The following ZNF287 variants were observed in gnomAD, a reference collection of about 807,000 sequenced individuals.
ZNF287 encodes zinc finger protein 287, also known as zinc finger protein with KRAB and SCAN domains 13.
A neutral mutation model predicts 73.7 loss-of-function variants in ZNF287; 31 were observed. The observed-to-expected ratio is 0.42, with a 90% confidence interval of 0.32 to 0.57. The LOEUF (loss-of-function observed/expected upper bound fraction) is 0.57. Among genes scored for constraint, ZNF287 ranks in the 20% least tolerant of loss-of-function variants. The pLI is 0.13. For missense variants in ZNF287, 641 were observed against 909.3 expected, an observed-to-expected ratio of 0.70 and a Z score of 3.79; for synonymous variants, 301 against 307.2, an observed-to-expected ratio of 0.98 and a Z score of 0.21.
Position 16,551,755 on chromosome 17 carries a change from A to G in ZNF287, c.*101T>C. The G allele has an allele frequency of 7.9e-7, 1 of 1,263,486 alleles. No homozygotes were observed. The highest frequency in any genetic ancestry group is 1.1e-6 in the Non-Finnish European group (1 of 906,398). The allele number at this position is 1,263,486 out of a possible 1,614,324, so 78.3% of individuals were successfully genotyped here. A position where few individuals can be genotyped will look rare whatever the true frequency, so the allele number is the denominator to read the frequency against. On this transcript the variant is annotated 3_prime_UTR_variant, in exon 6 of 6. Transcript: ENST00000395825. ...GATACTTCTGCTGAGTATCTAACAT[A>G]TTGCACTTCTTCAGACTTCTTCTGA...
chr17:16,561,193 A>C (rs1242732701), intron 5 of ZNF287, among the ~76,000 whole-genome samples: 7 of 151,916 alleles, frequency 4.6e-5, no homozygotes, highest in Non-Finnish European at 8.8e-5. Context: ...ACATGCCTCT[A>C]ATCCCAGCTA....
Position 16,548,687 on chromosome 17 carries a change from C to A in ZNF287, c.*3169G>T, listed in dbSNP as rs1435798968. ...TGGTGGCGGGTGTCTGTAGTCCCAG[C>A]TACTCGGGAGGCTGAGGCAGGAGAA... On this transcript the variant is annotated 3_prime_UTR_variant, in exon 6 of 6. Coordinates refer to ENST00000395825, the MANE Select transcript of ZNF287 (RefSeq NM_020653.4). 6.6e-6 allele frequency among the ~76,000 whole-genome samples: 1 copy of A among 152,084 alleles called. No homozygotes were observed. The highest frequency in any genetic ancestry group is 2.4e-5 in the African/African-American group (1 of 41,400).
rs1907754586 is a variant in ZNF287, at chr17:16,566,574, C to T, written c.452G>A (p.Arg151Lys). ...TCCTGTCTGGAAAGCATGTTTTCCT[C>T]TGGGGTCTTCCTCTGGGGTATCTTG... The part of the protein sequence containing the change: ...LSQDTPEEDP[R>K]GKHAFQTGWL... Residue 151 changes from arginine to lysine, a missense_variant, in exon 3 of 6, where the codon AGA (arginine) becomes AAA (lysine). By Grantham distance (26) the Arg-to-Lys change is conservative. Coordinates refer to ENST00000395825, the MANE Select transcript of ZNF287 (RefSeq NM_020653.4). The T allele has an allele frequency of 6.2e-7, 1 of 1,613,190 alleles. No individual in the cohort carries two copies. The highest frequency in any genetic ancestry group is 1.3e-5 in the African/African-American group (1 of 74,862).
intron 5 of ZNF287, among the ~76,000 whole-genome samples, chr17:16,560,647 TG>T (rs1229320430): frequency 1.3e-5 from 2 of 151,402 alleles, no homozygotes; most frequent in Non-Finnish European, 2.9e-5. Context: ...CGTACCCGGC[TG>T]AAAGGGCTAT....
chr17:16,568,393 G>A (rs1179595013), intron 1 of ZNF287, among the ~76,000 whole-genome samples: 1 of 152,130 alleles, frequency 6.6e-6, no homozygotes, highest in Non-Finnish European at 1.5e-5. Context: ...ATTTATCTGC[G>A]TTGCATGTTA....
chr17:16,563,342 AG>A (rs1315841776), intron 4 of ZNF287, 110 bp from the exon 5 acceptor site: 2 of 727,480 alleles, frequency 2.7e-6, no homozygotes, highest in African/African-American at 3.5e-5. Context: ...GGAAAACAAT[AG>A]TTCATGGACA....
In ZNF287 at chr17:16,563,129, C is replaced by T. The variant is rs372832682; in HGVS notation, c.715+17G>A. On this transcript the variant is annotated intron_variant, in intron 5 of 5. Coordinates refer to ENST00000395825, the MANE Select transcript of ZNF287 (RefSeq NM_020653.4). ...ATTCTTAAATACAAAGAAGCTCATG[C>T]GCTTTTTGTTTCTCACCTGGACTAG... 76 of 1,567,508 alleles carry T rather than the reference C, an allele frequency of 4.8e-5. No individual in the cohort carries two copies. The highest frequency in any genetic ancestry group is 1.9e-4 in the South Asian group (17 of 87,968).
rs1906592308 is a variant in ZNF287 at position 16,550,691 on chromosome 17, C to T, written c.*1165G>A. ...CTGTGATTTTCAGCACTGTAACAAG[C>T]TTGAGAGGATCCAATTAGGAAGTTT... On this transcript the variant is annotated 3_prime_UTR_variant, in exon 6 of 6. Transcript: ENST00000395825. 6.6e-6 allele frequency among the ~76,000 whole-genome samples: 1 copy of T among 152,144 alleles called. No individual in the cohort carries two copies. The highest frequency in any genetic ancestry group is 2.4e-5 in the African/African-American group (1 of 41,442).
chr17:16,567,092 A>G (rs1252089370), intron 2 of ZNF287, among the ~76,000 whole-genome samples: 1 of 152,162 alleles, frequency 6.6e-6, no homozygotes, highest in East Asian at 1.9e-4. Flanking sequence ...GGGGGTTTAG[A>G]TAATGTGTGT....
At chr17:16,560,369 A>T (rs543853363) in intron 5 of ZNF287, among the ~76,000 whole-genome samples, 20 of 140,884 alleles carry the variant, frequency 1.4e-4, no homozygotes, top group Admixed American at 6.5e-4. Context: ...TTTTTTTTTG[A>T]GGTGGAGTCT....
rs1906603818 is a variant in ZNF287, at chr17:16,550,846, A to T, written c.*1010T>A. ...CAGGTGAAAAAAATGGGAACTGTAT[A>T]CTTTATACCTACTTTTTTCCTTCAG... On this transcript the variant is annotated 3_prime_UTR_variant, in exon 6 of 6. Coordinates refer to ENST00000395825, the MANE Select transcript of ZNF287 (RefSeq NM_020653.4). 6.6e-6 allele frequency among the ~76,000 whole-genome samples: 1 copy of T among 152,236 alleles called. No homozygotes were observed. The highest frequency in any genetic ancestry group is 2.4e-5 in the African/African-American group (1 of 41,476).
chr17:16,563,350 G>T, intron 4 of ZNF287, 118 bp from the exon 5 acceptor site: 2 of 682,776 alleles, frequency 2.9e-6, no homozygotes, highest in Non-Finnish European at 4.9e-6. Context: ...ATAGTTCATG[G>T]ACATGATCTA....
intron 5 of ZNF287, among the ~76,000 whole-genome samples, chr17:16,560,513 C>T (rs1027141271): frequency 1.9e-4 from 29 of 151,052 alleles, no homozygotes; most frequent in African/African-American, 6.1e-4. Flanking sequence ...CCACGCCCAG[C>T]TAATTTTTGT....
At chr17:16,566,725 G>A in intron 2 of ZNF287, 103 bp from the exon 3 acceptor site, 1 of 742,408 alleles carries the variant, frequency 1.3e-6, no homozygotes, top group Non-Finnish European at 2.1e-6. Flanking sequence ...CGAGAAGTAA[G>A]AAGGAAATCA....
At position 16,553,435 on chromosome 17, in the gene ZNF287, A is replaced by C. The variant is rs1906833341; in HGVS notation, c.716-9T>G. The C allele has an allele frequency of 2.0e-6, 3 of 1,469,170 alleles. No individual in the cohort carries two copies. The highest frequency in any genetic ancestry group is 1.8e-4 in the Middle Eastern group (1 of 5,444). The allele number at this position is 1,469,170 out of a possible 1,614,324, so 91.0% of individuals were successfully genotyped here. On this transcript the variant is annotated splice_polypyrimidine_tract_variant and intron_variant, in intron 5 of 5. Transcript: ENST00000395825. Reference sequence around the variant, plus strand: ...GGCTTTAGTTTCCCATTCTGAAATAAAAAATATATTAAAAAATCTTCATTT... The same window carrying C: ...GGCTTTAGTTTCCCATTCTGAAATACAAAATATATTAAAAAATCTTCATTT...
rs1464700640 is a variant in ZNF287, at chr17:16,566,373, C to CTTTATAGTACATTCTGTATAG, written c.501+151_501+152insCTATACAGAATGTACTATAAA. The CTTTATAGTACATTCTGTATAG allele has an allele frequency of 1.7e-5, 9 of 526,402 alleles. No homozygotes were observed. The Admixed American group carries it at 3.5e-4, about 21-fold the overall frequency. The allele number at this position is 526,402 out of a possible 1,614,324, so 32.6% of individuals were successfully genotyped here. On this transcript the variant is annotated intron_variant, in intron 3 of 5. Coordinates refer to ENST00000395825, the MANE Select transcript of ZNF287 (RefSeq NM_020653.4). ...CACCTTTTCTTTATAGTACATTCAC[C>CTTTATAGTACATTCTGTATAG]TACCTTAACAGACCAAGATAACATA...
Position 16,551,788 on chromosome 17 carries a change from G to A in ZNF287, c.*68C>T. Reference sequence around the variant, plus strand: ...TCTTCAGACTTCTTCTGAATGTTCTGACACATAGAATGCACAAAACAAAAT... The same window carrying A: ...TCTTCAGACTTCTTCTGAATGTTCTAACACATAGAATGCACAAAACAAAAT... On this transcript the variant is annotated 3_prime_UTR_variant, in exon 6 of 6. Coordinates refer to ENST00000395825, the MANE Select transcript of ZNF287 (RefSeq NM_020653.4). 1 of 1,503,216 alleles carries A rather than the reference G, an allele frequency of 6.7e-7. No homozygotes were observed. The highest frequency in any genetic ancestry group is 2.3e-5 in the East Asian group (1 of 44,156). The allele number at this position is 1,503,216 out of a possible 1,614,324, so 93.1% of individuals were successfully genotyped here.
rs573284893 is a variant in ZNF287, at chr17:16,559,285, C to T, written c.715+3861G>A. ...GTAAATTAAAAATAATTTTAAAAAG[C>T]AAAAAAACACTATCCTTAGTGGTAT... On this transcript the variant is annotated intron_variant, in intron 5 of 5. Transcript: ENST00000395825. The T allele has an allele frequency of 2.0e-5, 3 of 151,566 alleles. No individual in the cohort carries two copies. In the East Asian group the frequency reaches 5.8e-4, roughly 29 times the overall value. The allele number at this position is 151,566 out of a possible 1,614,324, so 9.4% of individuals were successfully genotyped here.
chr17:16,561,844 T>C (rs942078834), intron 5 of ZNF287, among the ~76,000 whole-genome samples: 9 of 152,338 alleles, frequency 5.9e-5, no homozygotes, highest in African/African-American at 1.9e-4. Context: ...AAAATATCTA[T>C]AAAGGATGTT....
Sources: gnomAD v4.1 joint callset for allele counts (sites outside exome capture counted in the v4.1 genomes callset) on GRCh38, gnomAD v4.1.1 for gene constraint, MANE v1.5 for transcripts, NCBI Gene and HGNC (gene_info 2026-07-23, HGNC 2026-07-21) for gene names.